The following PHF21A variants were observed in gnomAD, a reference collection of about 807,000 sequenced individuals.
The protein encoded by PHF21A is PHD finger protein 21A.
PHF21A carries 11 observed loss-of-function variants against 82.5 expected under a neutral mutation model. The observed-to-expected ratio is 0.13, with a 90% CI of 0.08 to 0.22. PHF21A has a LOEUF of 0.22. PHF21A is among the 10% of genes least tolerant of loss of function. The probability of loss-of-function intolerance (pLI) is 1.00; values close to 1 mark genes in which losing one functional copy is unlikely to be tolerated. For synonymous variants in PHF21A, 297 were observed against 302.8 expected, an observed-to-expected ratio of 0.98 and a Z score of 0.20; for missense variants, 579 against 837.8, an observed-to-expected ratio of 0.69 and a Z score of 3.81.
chr11:46,013,111 C>G (rs2095442909), intron 6 of PHF21A, among the ~76,000 whole-genome samples: 1 of 151,970 alleles, frequency 6.6e-6, no homozygotes. Flanking sequence ...TATTTAAACC[C>G]GGTTAAACTG....
chr11:46,036,592 T>C (rs1196029927), intron 6 of PHF21A, among the ~76,000 whole-genome samples: 1 of 152,196 alleles, frequency 6.6e-6, no homozygotes, highest in Non-Finnish European at 1.5e-5. Flanking sequence ...TGTCCCTAAG[T>C]AAAAGTAAAG....
chr11:45,998,802 G>A (rs2095007301), intron 6 of PHF21A, among the ~76,000 whole-genome samples: 1 of 149,318 alleles, frequency 6.7e-6, no homozygotes, highest in Admixed American at 6.7e-5. Context: ...TTACAGGCAT[G>A]AGCCACCACA....
chr11:45,948,765 A>C, intron 14 of PHF21A, 121 bp downstream of exon 14: 3 of 772,870 alleles, frequency 3.9e-6, no homozygotes, highest in Non-Finnish European at 7.0e-6. Context: ...GAACAACAAC[A>C]AAACTATTTT....
chr11:45,971,834 G>A (rs1417621059), intron 7 of PHF21A, among the ~76,000 whole-genome samples: 1 of 145,986 alleles, frequency 6.8e-6, no homozygotes, highest in African/African-American at 2.5e-5. Context: ...TACAGTTCTG[G>A]ATATCTGCTT....
At chr11:45,944,413 T>C (rs888369699) in intron 15 of PHF21A, among the ~76,000 whole-genome samples, 4 of 152,186 alleles carry the variant, frequency 2.6e-5, no homozygotes, top group African/African-American at 4.8e-5. Context: ...TATTGTAACT[T>C]TTCTGTAGGT....
In PHF21A at chr11:46,080,677, T is replaced by G. The variant is rs569104119; in HGVS notation, c.55-1511A>C. Reference sequence around the variant, plus strand: ...TTGCTACTATTCTTTTTTTGTTTTTTGTTTTTTAAAGATGGGGTCTTGTTC... The same window carrying G: ...TTGCTACTATTCTTTTTTTGTTTTTGGTTTTTTAAAGATGGGGTCTTGTTC... On this transcript the variant is annotated intron_variant, in intron 4 of 18. Transcript: ENST00000676320. Among the ~76,000 whole-genome samples, 5 of 152,246 alleles carry G rather than the reference T, an allele frequency of 3.3e-5. No homozygotes were observed. The South Asian group carries it at 1.0e-3, about 32-fold the overall frequency.
chr11:45,988,034 T>A (rs1027511914), intron 6 of PHF21A, among the ~76,000 whole-genome samples: 2 of 152,262 alleles, frequency 1.3e-5, no homozygotes, highest in African/African-American at 4.8e-5. Flanking sequence ...TTAAGTACAG[T>A]GATGATGCTA....
At chr11:45,942,546 C>T (rs2090550379) in intron 15 of PHF21A, among the ~76,000 whole-genome samples, 1 of 152,158 alleles carries the variant, frequency 6.6e-6, no homozygotes, top group Non-Finnish European at 1.5e-5. Flanking sequence ...ATTAACAGGA[C>T]AGTTAGGAAA....
At chr11:45,983,163 G>A (rs920858620) in intron 6 of PHF21A, among the ~76,000 whole-genome samples, 1 of 152,120 alleles carries the variant, frequency 6.6e-6, no homozygotes, top group Non-Finnish European at 1.5e-5. Context: ...AATCAGGAGC[G>A]TGGGAGTCAA....
intron 6 of PHF21A, among the ~76,000 whole-genome samples, chr11:46,046,013 A>C (rs994069554): frequency 3.9e-5 from 6 of 152,226 alleles, no homozygotes. Flanking sequence ...AAAACACAAA[A>C]AGAGTCTGTC....
chr11:45,955,777 C>G (rs947397072), intron 10 of PHF21A, among the ~76,000 whole-genome samples: 3 of 152,174 alleles, frequency 2.0e-5, no homozygotes, highest in African/African-American at 7.2e-5. Context: ...CTGGGGGAAG[C>G]CAGCTGCCAC....
intron 6 of PHF21A, among the ~76,000 whole-genome samples, chr11:45,990,712 G>GT (rs35982936): frequency 0.87 from 127,741 of 147,628 alleles, 55,444 homozygotes; most frequent in East Asian, 0.99. Context: ...CCCTTGATTT[G>GT]TTTTTTTTTT....
chr11:45,962,923 T>C lies in PHF21A; in HGVS notation c.996+2392A>G, dbSNP rs2093198197. Among the ~76,000 whole-genome samples, 5 of 151,580 alleles carry C rather than the reference T, an allele frequency of 3.3e-5. No individual in the cohort carries two copies. The South Asian group carries it at 1.0e-3, about 32-fold the overall frequency. On this transcript the variant is annotated intron_variant, in intron 10 of 18. Coordinates refer to ENST00000676320, the MANE Select transcript of PHF21A (RefSeq NM_001352027.3). ...AGAGAAGAGAGAACATGAAATTTAC[T>C]GCTACAAAAGAAATTATTTTAATTC...
At chr11:46,092,026 A>C (rs1402173762) in intron 2 of PHF21A, among the ~76,000 whole-genome samples, 157 bp downstream of exon 2, 5 of 152,130 alleles carry the variant, frequency 3.3e-5, no homozygotes, top group African/African-American at 1.2e-4. Flanking sequence ...TAGCTACGTG[A>C]AATTAGACAA....
intron 6 of PHF21A, among the ~76,000 whole-genome samples, chr11:46,028,492 C>A (rs537028199): frequency 4.6e-5 from 7 of 151,280 alleles, no homozygotes; most frequent in African/African-American, 1.7e-4. Flanking sequence ...TCCTGAAACT[C>A]TAAGACTTCC....
At chr11:45,960,226 A>T (rs909599007) in intron 10 of PHF21A, among the ~76,000 whole-genome samples, 1 of 152,244 alleles carries the variant, frequency 6.6e-6, no homozygotes. Context: ...ATGCTTGCAC[A>T]TGAATGTTCA....
chr11:46,051,765 G>A (rs1313865005), intron 6 of PHF21A, among the ~76,000 whole-genome samples: 1 of 152,184 alleles, frequency 6.6e-6, no homozygotes, highest in African/African-American at 2.4e-5. Flanking sequence ...ACAAAGGATT[G>A]GATGAAGGAA....
At chr11:46,022,621 C>T (rs751098755) in intron 6 of PHF21A, among the ~76,000 whole-genome samples, 9 of 152,104 alleles carry the variant, frequency 5.9e-5, no homozygotes, top group Non-Finnish European at 1.2e-4. Flanking sequence ...GCCACCATGC[C>T]AGTGTAGTTT....
intron 6 of PHF21A, among the ~76,000 whole-genome samples, chr11:46,010,134 C>T (rs2095382863): frequency 2.0e-5 from 3 of 152,226 alleles, no homozygotes; most frequent in South Asian, 4.1e-4. Context: ...TGAGAACAAT[C>T]ATTTAAAGAC....
Sources: gnomAD v4.1 joint callset for allele counts (sites outside exome capture counted in the v4.1 genomes callset) on GRCh38, gnomAD v4.1.1 for gene constraint, MANE v1.5 for transcripts, NCBI Gene and HGNC (gene_info 2026-07-23, HGNC 2026-07-21) for gene names.